TLK1: variants seen among roughly 807,000 people sequenced by gnomAD.
TLK1 encodes the protein serine/threonine-protein kinase tousled-like 1.
A neutral mutation model predicts 105.3 loss-of-function variants in TLK1; 24 were observed. The ratio of observed to expected loss-of-function variants is 0.23; its 90% CI spans 0.17 to 0.32. TLK1 has a LOEUF of 0.32. TLK1 is among the 10% of genes least tolerant of loss of function. The pLI, the probability that TLK1 is intolerant of heterozygous loss-of-function variation, is 1.00. For missense variants in TLK1, 558 were observed against 910.5 expected (o/e 0.61, Z 4.98); for synonymous variants, 321 against 310.4 (o/e 1.03, Z -0.36).
intron 11 of TLK1, among the ~76,000 whole-genome samples, chr2:171,044,607 T>G (rs898274306): frequency 3.9e-5 from 6 of 152,104 alleles, no homozygotes; most frequent in African/African-American, 1.4e-4. Context: ...CAGCAGGATG[T>G]ATACGGTAAC....
At chr2:171,139,900 T>G (rs1370915779) in intron 1 of TLK1, among the ~76,000 whole-genome samples, 1 of 152,106 alleles carries the variant, frequency 6.6e-6, no homozygotes, top group Non-Finnish European at 1.5e-5. Flanking sequence ...TAGATTCTCA[T>G]AAGGAGCAAG....
chr2:171,078,446 G>T (rs1688610081), intron 3 of TLK1, among the ~76,000 whole-genome samples: 1 of 152,122 alleles, frequency 6.6e-6, no homozygotes, highest in Non-Finnish European at 1.5e-5. Flanking sequence ...GCTGAGGCAG[G>T]AGAATCGCTT....
At position 171,160,453 on chromosome 2, in the gene TLK1, T is replaced by TC. The variant is rs761218345; in HGVS notation, c.-26dup. On this transcript the variant is annotated 5_prime_UTR_variant, in exon 1 of 21. Coordinates refer to ENST00000431350, the MANE Select transcript of TLK1 (RefSeq NM_012290.5). This position sits in a 1 kb window ranked among gnomAD's most constrained non-coding sequence, Gnocchi z 4.4. ...TCAAGCTACTTTCTGGGAACCCGAC[T>TC]CCCCCCCTGCGACGGCAGCGGCGGC... The TC allele has an allele frequency of 1.3e-5, 20 of 1,580,830 alleles. No homozygotes were observed. The highest frequency in any genetic ancestry group is 5.4e-5 in the Admixed American group (3 of 55,202).
chr2:171,043,855 T>C (rs1439067464), intron 11 of TLK1, among the ~76,000 whole-genome samples: 2 of 152,146 alleles, frequency 1.3e-5, no homozygotes, highest in African/African-American at 2.4e-5. Context: ...ACTGGGATTA[T>C]AGTGTGAGAC....
At chr2:171,131,685 C>T (rs557084623) in intron 1 of TLK1, among the ~76,000 whole-genome samples, 1 of 152,192 alleles carries the variant, frequency 6.6e-6, no homozygotes, top group African/African-American at 2.4e-5. Context: ...ACTTCTTTCC[C>T]TTTTTACCCG....
chr2:171,062,270 A>C (rs1007271612), intron 3 of TLK1, among the ~76,000 whole-genome samples: 5 of 152,086 alleles, frequency 3.3e-5, no homozygotes, highest in African/African-American at 7.3e-5. Context: ...ATTTGACTGA[A>C]TGAATGAATG....
chr2:171,021,548 A>G (rs1490004394), intron 12 of TLK1, among the ~76,000 whole-genome samples: 1 of 149,266 alleles, frequency 6.7e-6, no homozygotes, highest in East Asian at 2.0e-4. Flanking sequence ...GATTACAGGC[A>G]TGAGTCACCA....
chr2:171,061,004 A>G, intron 4 of TLK1, 77 bp downstream of exon 4: 1 of 1,334,902 alleles, frequency 7.5e-7, no homozygotes, highest in Non-Finnish European at 1.1e-6. Flanking sequence ...TTACAATTAG[A>G]GTATTAATTG....
intron 1 of TLK1, among the ~76,000 whole-genome samples, chr2:171,226,679 A>G (rs1421563959): frequency 6.6e-6 from 1 of 152,140 alleles, no homozygotes. Flanking sequence ...CTAAAAACTC[A>G]TTAGTTTTAT....
At chr2:171,202,436 G>A (rs1232660056) in intron 1 of TLK1, among the ~76,000 whole-genome samples, 1 of 148,824 alleles carries the variant, frequency 6.7e-6, no homozygotes, top group Non-Finnish European at 1.5e-5. Flanking sequence ...TGAGCAACGA[G>A]AGTGAAATTC....
intron 1 of TLK1, among the ~76,000 whole-genome samples, chr2:171,212,164 A>G (rs1693629107): frequency 6.6e-6 from 1 of 152,122 alleles, no homozygotes; most frequent in African/African-American, 2.4e-5. Flanking sequence ...AGCTTGTCTA[A>G]CAAGCCTTTC....
chr2:171,169,317 A>G (rs1234867579), intron 1 of TLK1, among the ~76,000 whole-genome samples: 1 of 152,192 alleles, frequency 6.6e-6, no homozygotes, highest in Non-Finnish European at 1.5e-5. Context: ...GGCCATTAAA[A>G]TGTTTGTGAA....
rs575835194 is a variant in TLK1, at chr2:171,208,649, TC to T, written c.-6+22495del. Among the ~76,000 whole-genome samples, 573 of 152,302 alleles carry T rather than the reference TC, an allele frequency of 3.8e-3. 4 individuals carry two copies. Among genetic ancestry groups the T allele is most frequent in the African/African-American group, 0.013 (561 of 41,566 alleles). On this transcript the variant is annotated intron_variant, in intron 1 of 20. Coordinates refer to the TLK1 transcript ENST00000521943. The stretch of plus-strand genomic sequence containing the variant: ...AAAGGTGTAGCTCTAAGGATATTAA[TC>T]CTAGTGCTGCTAAATGTAACAAAAG...
At chr2:171,135,345 C>T (rs75679633) in intron 1 of TLK1, among the ~76,000 whole-genome samples, 1 of 138,028 alleles carries the variant, frequency 7.2e-6, no homozygotes, top group African/African-American at 2.8e-5. Context: ...ATATATATAT[C>T]AAAACATGAC....
intron 13 of TLK1, among the ~76,000 whole-genome samples, chr2:171,012,547 T>G (rs1684970528): frequency 6.6e-6 from 1 of 152,134 alleles, no homozygotes; most frequent in Non-Finnish European, 1.5e-5. Context: ...GGCACGATCT[T>G]GGCTCACTGC....
rs1470388226 is a variant in TLK1, at chr2:171,049,845, T to C, written c.949A>G (p.Thr317Ala). The C allele has an allele frequency of 1.2e-6, 2 of 1,613,920 alleles. No homozygotes were observed. Among genetic ancestry groups the C allele is most frequent in the South Asian group, 2.2e-5 (2 of 91,068 alleles). ...RHGASFTEQWTDGFAFQNLVK... is the reference protein window; with the variant it reads ...RHGASFTEQWADGFAFQNLVK... ...AGATTCTGAAATGCAAAACCATCTG[T>C]CCATTGTTCAGTAAATGAAGCGCCA... Residue 317 changes from threonine to alanine, a missense_variant, in exon 10 of 21, where the codon ACA becomes GCA. Thr to Ala is a moderately conservative substitution (Grantham distance 58). This residue lies in a region of TLK1 where 196 missense variants were observed against 239.3 expected (regional missense o/e 0.82). Coordinates refer to ENST00000431350, the MANE Select transcript of TLK1 (RefSeq NM_012290.5).
chr2:171,015,580 C>T (rs916046327), intron 12 of TLK1, among the ~76,000 whole-genome samples: 2 of 151,464 alleles, frequency 1.3e-5, no homozygotes, highest in Non-Finnish European at 2.9e-5. Flanking sequence ...ATTTAATAAT[C>T]AATATAAATA....
intron 1 of TLK1, among the ~76,000 whole-genome samples, chr2:171,137,211 G>C (rs1283042382): frequency 2.6e-5 from 4 of 152,002 alleles, no homozygotes; most frequent in African/African-American, 9.7e-5. Flanking sequence ...GAGGCTTGGA[G>C]GTCAAGGCTG....
At chr2:171,096,870 A>G (rs1689475740) in intron 2 of TLK1, among the ~76,000 whole-genome samples, 1 of 152,242 alleles carries the variant, frequency 6.6e-6, no homozygotes, top group Non-Finnish European at 1.5e-5. Context: ...GTTTTCATGA[A>G]TTGAAAGAAT....
Sources: gnomAD v4.1 joint callset for allele counts (sites outside exome capture counted in the v4.1 genomes callset) on GRCh38, gnomAD v4.1.1 for gene constraint, gnomAD v4.1.1 regional missense constraint, Gnocchi (gnomAD v3.1) non-coding constraint, MANE v1.5 for transcripts, NCBI Gene and HGNC (gene_info 2026-07-23, HGNC 2026-07-21) for gene names.